RBFOX1: variants seen among roughly 807,000 people sequenced by gnomAD.
RBFOX1 encodes RNA binding protein fox-1 homolog 1.
In RBFOX1, 8 loss-of-function variants were observed where a neutral mutation model predicts 57.7. The ratio of observed to expected loss-of-function variants is 0.14; its 90% CI spans 0.08 to 0.25. RBFOX1 has a LOEUF of 0.25. RBFOX1 is among the 10% of genes least tolerant of loss of function. The pLI is 1.00. For missense variants in RBFOX1, 611 were observed against 548.5 expected (o/e 1.11, Z -1.14); for synonymous variants, 326 against 222.4 (o/e 1.47, Z -4.15).
At chr16:7,649,094 A>G (rs997843582) in intron 11 of RBFOX1, among the ~76,000 whole-genome samples, 1 of 152,182 alleles carries the variant, frequency 6.6e-6, no homozygotes, top group African/African-American at 2.4e-5. Context: ...GTGCAAAGCA[A>G]AAGGAAGCTT....
rs879272692 is a variant in RBFOX1 at position 7,040,935 on chromosome 16, G to A, written c.-15-11122G>A. Among the ~76,000 whole-genome samples the A allele has an allele frequency of 3.3e-5, 5 of 151,318 alleles. No individual in the cohort carries two copies. The South Asian group carries it at 8.3e-4, about 25-fold the overall frequency. On this transcript the variant is annotated intron_variant, in intron 3 of 15. Transcript: ENST00000550418. ...GTTTTTTTGTTTTTTTGCTGGGGGG[G>A]GAAGGAGTCTTGCTCTGTCCCCCAG...
intron 2 of RBFOX1, among the ~76,000 whole-genome samples, chr16:6,403,942 C>T (rs1429985406): frequency 6.6e-6 from 1 of 152,104 alleles, no homozygotes; most frequent in African/African-American, 2.4e-5. Flanking sequence ...AGGAAGGTGG[C>T]TGTCTGTAAG....
At chr16:5,502,722 T>C (rs2043242075) in intron 2 of RBFOX1, among the ~76,000 whole-genome samples, 1 of 152,144 alleles carries the variant, frequency 6.6e-6, no homozygotes, top group Non-Finnish European at 1.5e-5. Context: ...AGTTATAGTC[T>C]GTCTGCAGAT....
chr16:5,301,548 G>A (rs2063804181), intron 1 of RBFOX1, among the ~76,000 whole-genome samples: 1 of 144,484 alleles, frequency 6.9e-6, no homozygotes, highest in South Asian at 2.2e-4. Context: ...GAACCCAGGA[G>A]GCAGAGCTTG....
At chr16:5,337,426 A>G (rs549477795) in intron 1 of RBFOX1, among the ~76,000 whole-genome samples, 3 of 152,330 alleles carry the variant, frequency 2.0e-5, no homozygotes, top group East Asian at 1.9e-4. Flanking sequence ...TGTTTAGTGT[A>G]TGAATTAGTT....
intron 3 of RBFOX1, among the ~76,000 whole-genome samples, chr16:5,793,278 T>A (rs2054765471): frequency 6.6e-6 from 1 of 152,208 alleles, no homozygotes; most frequent in African/African-American, 2.4e-5. Flanking sequence ...TGCCTCTGCT[T>A]CTCCCCTGGC....
intron 3 of RBFOX1, among the ~76,000 whole-genome samples, chr16:6,948,375 C>CTTTTTT (rs968186299): frequency 0.014 from 939 of 67,972 alleles, 93 homozygotes; most frequent in African/African-American, 0.018. Context: ...TTCTCCCTTT[C>CTTTTTT]TTTTTTTTTT....
intron 2 of RBFOX1, among the ~76,000 whole-genome samples, chr16:6,357,963 GAAAAAAAAA>G (rs112841567): frequency 1.7e-5 from 2 of 115,142 alleles, no homozygotes; most frequent in Non-Finnish European, 4.0e-5. Flanking sequence ...TCTCAAAAAA[GAAAAAAAAA>G]AAAAAAGAAA....
rs144837326 is a variant in RBFOX1 at position 7,209,067 on chromosome 16, G to C, written c.27+156969G>C. ...CCCAGCACTTTGGGAGGCCGAGGTG[G>C]TCAGATCACCTGAGGTCAGGAGTTC... On this transcript the variant is annotated intron_variant, in intron 4 of 15. Coordinates refer to ENST00000550418, the MANE Select transcript of RBFOX1 (RefSeq NM_018723.4). Among the ~76,000 whole-genome samples the C allele has an allele frequency of 1.5e-3, 224 of 151,918 alleles. 3 individuals are homozygous for C. The East Asian group carries it at 0.042, about 29-fold the overall frequency.
At chr16:5,645,596 T>C (rs1364719005) in intron 3 of RBFOX1, among the ~76,000 whole-genome samples, 2 of 152,268 alleles carry the variant, frequency 1.3e-5, no homozygotes, top group East Asian at 3.8e-4. Flanking sequence ...GTCTCATATA[T>C]ACATTGACCT....
At chr16:5,725,177 T>C (rs1804544800) in intron 3 of RBFOX1, among the ~76,000 whole-genome samples, 1 of 152,214 alleles carries the variant, frequency 6.6e-6, no homozygotes, top group Non-Finnish European at 1.5e-5. Flanking sequence ...TGTTGGTTAA[T>C]GAGCATGCCA....
exon 3 of RBFOX1, chr16:5,599,368 G>C (rs941862278): frequency 1.7e-6 from 1 of 600,100 alleles, no homozygotes; most frequent in Non-Finnish European, 3.0e-6. Context: ...TGCTTACTGA[G>C]TGCTCTGGGG....
rs572809681 is a variant in RBFOX1 at position 5,479,464 on chromosome 16, A to G, written c.258+12210A>G. ...TCAGGCAGAGTATTGTTTCCTTAGA[A>G]TTATTTCTCCCCGGCCAGGCATGGT... On this transcript the variant is annotated intron_variant, in intron 2 of 2. Coordinates refer to the RBFOX1 transcript ENST00000585867. Among the ~76,000 whole-genome samples, 12 of 152,230 alleles carry G rather than the reference A, an allele frequency of 7.9e-5. No individual in the cohort carries two copies. In the South Asian group the frequency reaches 2.1e-3, roughly 26 times the overall value.
chr16:7,415,860 T>C (rs542647124), intron 4 of RBFOX1, among the ~76,000 whole-genome samples: 1 of 152,318 alleles, frequency 6.6e-6, no homozygotes, highest in East Asian at 1.9e-4. Context: ...CCCGGGAAGA[T>C]GGAACTGTCC....
chr16:6,462,580 A>T (rs1481898768), intron 2 of RBFOX1, among the ~76,000 whole-genome samples: 1 of 152,096 alleles, frequency 6.6e-6, no homozygotes, highest in Non-Finnish European at 1.5e-5. Flanking sequence ...TATAAGAAAC[A>T]TTTGGCACGT....
intron 3 of RBFOX1, among the ~76,000 whole-genome samples, chr16:6,824,370 C>T (rs1404858260): frequency 6.6e-6 from 1 of 152,212 alleles, no homozygotes; most frequent in Admixed American, 6.5e-5. Context: ...CATGCTACAG[C>T]ATGCTCCAAT....
chr16:7,575,321 G>A (rs976332066), intron 5 of RBFOX1, among the ~76,000 whole-genome samples: 1 of 152,076 alleles, frequency 6.6e-6, no homozygotes, highest in Non-Finnish European at 1.5e-5. Context: ...TTTTAGTAGA[G>A]ACGGGGTTTC....
At chr16:7,023,399 G>T (rs888909097) in intron 3 of RBFOX1, among the ~76,000 whole-genome samples, 1 of 151,248 alleles carries the variant, frequency 6.6e-6, no homozygotes, top group Middle Eastern at 3.2e-3. Flanking sequence ...GGCAGAGGTT[G>T]CAGTGAGCCG....
chr16:6,310,441 A>G (rs1599483232), intron 1 of RBFOX1, among the ~76,000 whole-genome samples: 1 of 152,224 alleles, frequency 6.6e-6, no homozygotes, highest in Admixed American at 6.5e-5. Context: ...TTGTTGAAGA[A>G]GTAGGCGTAG....
Sources: gnomAD v4.1 joint callset for allele counts (sites outside exome capture counted in the v4.1 genomes callset) on GRCh38, gnomAD v4.1.1 for gene constraint, MANE v1.5 for transcripts, NCBI Gene and HGNC (gene_info 2026-07-23, HGNC 2026-07-21) for gene names.